Variants in CHLSN observed in about 807,000 individuals in gnomAD.
CHLSN encodes the protein cholesin.
At chr7:1,048,947 T>A in the CHLSN span, among the ~76,000 whole-genome samples, 4 of 152,198 alleles carry the variant, frequency 2.6e-5, no homozygotes, top group Non-Finnish European at 5.9e-5. Context: ...CATCGGGAAA[T>A]TCATTGTGTT....
the CHLSN span, among the ~76,000 whole-genome samples, chr7:978,754 C>T: frequency 4.6e-5 from 7 of 152,314 alleles, no homozygotes; most frequent in South Asian, 4.1e-4. Flanking sequence ...CTTACGTGGC[C>T]GTGTTCGCGT....
the CHLSN span, chr7:1,092,610 C>A: frequency 2.5e-6 from 4 of 1,611,954 alleles, no homozygotes; most frequent in African/African-American, 5.3e-5. Flanking sequence ...CCGCTCCCTG[C>A]AAGCAGTCTT....
the CHLSN span, among the ~76,000 whole-genome samples, chr7:1,051,219 C>G: frequency 1.3e-5 from 2 of 152,196 alleles, no homozygotes; most frequent in Admixed American, 6.5e-5. Context: ...CGCCAGCCTC[C>G]CATGAACACT....
At chr7:1,020,771 C>T in the CHLSN span, among the ~76,000 whole-genome samples, 18 of 152,366 alleles carry the variant, frequency 1.2e-4, no homozygotes, top group East Asian at 2.1e-3. Context: ...CCCCTGCAGA[C>T]GGCCTGGGCC....
At chr7:1,077,850 C>T in the CHLSN span, 1 of 152,228 alleles carries the variant, frequency 6.6e-6, no homozygotes, top group African/African-American at 2.4e-5. Flanking sequence ...CCACGGCTGG[C>T]CTTGGGCAGA....
the CHLSN span, among the ~76,000 whole-genome samples, chr7:1,031,472 C>CGG: frequency 6.3e-5 from 3 of 47,738 alleles, no homozygotes; most frequent in East Asian, 8.5e-4. Context: ...GTCCGGGGGA[C>CGG]CAGAGACCTG....
the CHLSN span, chr7:984,639 G>A: frequency 1.3e-6 from 2 of 1,505,210 alleles, no homozygotes; most frequent in South Asian, 2.5e-5. Context: ...CAGGAGGGGT[G>A]GGGGCTCCAG....
At chr7:1,023,059 C>G in the CHLSN span, 1 of 447,312 alleles carries the variant, frequency 2.2e-6, no homozygotes. This position sits in a 1 kb window ranked among gnomAD's most constrained non-coding sequence, Gnocchi z 5.0. Context: ...TCCTGCCACC[C>G]CTGCAGAGCA....
the CHLSN span, among the ~76,000 whole-genome samples, chr7:1,102,909 G>A: frequency 6.6e-6 from 1 of 152,256 alleles, no homozygotes; most frequent in East Asian, 1.9e-4. Context: ...GAGGAAAAAT[G>A]CCCCGTCCCC....
At chr7:992,090 G>C in the CHLSN span, among the ~76,000 whole-genome samples, 1 of 152,212 alleles carries the variant, frequency 6.6e-6, no homozygotes, top group African/African-American at 2.4e-5. Context: ...TGTCATGGGA[G>C]AGGCAGACAC....
At chr7:1,096,514 C>T in the CHLSN span, among the ~76,000 whole-genome samples, 3 of 152,190 alleles carry the variant, frequency 2.0e-5, no homozygotes, top group Non-Finnish European at 4.4e-5. This position sits in a 1 kb window ranked among gnomAD's most constrained non-coding sequence, Gnocchi z 4.6. Flanking sequence ...CGCAGCCACA[C>T]ACGCCCTTCT....
At chr7:1,098,770 T>C in the CHLSN span, among the ~76,000 whole-genome samples, 1 of 152,296 alleles carries the variant, frequency 6.6e-6, no homozygotes, top group Non-Finnish European at 1.5e-5. Flanking sequence ...ATGTGAAACG[T>C]GCAGGGCAGA....
the CHLSN span, chr7:984,863 G>T: frequency 6.7e-7 from 1 of 1,490,522 alleles, no homozygotes; most frequent in Non-Finnish European, 8.9e-7. Flanking sequence ...TCGCTGCCCT[G>T]TCAGCCTGCT....
At chr7:1,127,152 G>C in the CHLSN span, 1 of 1,359,746 alleles carries the variant, frequency 7.4e-7, no homozygotes. Flanking sequence ...CCTGTTCCAG[G>C]CTCTGCTCCA....
At chr7:982,934 G>A in the CHLSN span, among the ~76,000 whole-genome samples, 1 of 152,214 alleles carries the variant, frequency 6.6e-6, no homozygotes, top group Non-Finnish European at 1.5e-5. Context: ...CAGTCCACGT[G>A]CCACATCCTT....
At chr7:995,187 C>T in the CHLSN span, among the ~76,000 whole-genome samples, 94 of 152,360 alleles carry the variant, frequency 6.2e-4, 1 homozygote, top group African/African-American at 2.0e-3. Flanking sequence ...TGGGCGGGTG[C>T]CCTCACTGAC....
chr7:1,133,285 G>A, the CHLSN span, among the ~76,000 whole-genome samples: 3 of 151,900 alleles, frequency 2.0e-5, no homozygotes, highest in South Asian at 6.2e-4. Flanking sequence ...TAGGGCAAGT[G>A]GAGGGAAGAG....
chr7:1,133,070 T>C, the CHLSN span, among the ~76,000 whole-genome samples: 1 of 152,134 alleles, frequency 6.6e-6, no homozygotes, highest in Non-Finnish European at 1.5e-5. Context: ...AAACAAGACG[T>C]GGCGTATTCA....
At chr7:1,070,668 T>A in the CHLSN span, among the ~76,000 whole-genome samples, 1 of 124,906 alleles carries the variant, frequency 8.0e-6, no homozygotes, top group Non-Finnish European at 1.7e-5. Flanking sequence ...TGCACGCACA[T>A]ACGCACACGT....
Sources: gnomAD v4.1 joint callset for allele counts (sites outside exome capture counted in the v4.1 genomes callset) on GRCh38, gnomAD v4.1.1 for gene constraint, Gnocchi (gnomAD v3.1) non-coding constraint, MANE v1.5 for transcripts, NCBI Gene and HGNC (gene_info 2026-07-23, HGNC 2026-07-21) for gene names.